The following APOBEC4 variants were observed in gnomAD, a reference collection of about 807,000 sequenced individuals.
APOBEC4 encodes the protein apolipoprotein B mRNA editing enzyme catalytic polypeptide like 4, also known as putative deaminase APOBEC-4.
For synonymous variants in APOBEC4, 141 were observed against 154.2 expected, an observed-to-expected ratio of 0.91 and a Z score of 0.63; for missense variants, 375 against 441.2, an observed-to-expected ratio of 0.85 and a Z score of 1.34.
At chr1:183,648,901 G>A in intron 1 of APOBEC4, 90 bp from the exon 2 acceptor site, 3 of 783,098 alleles carry the variant, frequency 3.8e-6, no homozygotes, top group Non-Finnish European at 6.1e-6. Flanking sequence ...TTCTTTAAAG[G>A]AAGTAGCACA....
chr1:183,648,005 C>G lies in APOBEC4; in HGVS notation c.777G>C (p.Glu259Asp). Residue 259 changes from glutamate to aspartate, a missense_variant, in exon 2 of 2, where the codon GAG (glutamate) becomes GAC (aspartate). Transcript: ENST00000308641. ...GAAAGGCATTGTTTAAGGGGTAGCT[C>G]TCTAAAGCCTCCTGAGCTTTTGTGT... ...NPNTKAQEAL[E>D]SYPLNNAFPG... The G allele has an allele frequency of 6.2e-7, 1 of 1,614,218 alleles. No homozygotes were observed. Among genetic ancestry groups the G allele is most frequent in the Non-Finnish European group, 8.5e-7 (1 of 1,180,036 alleles).
chr1:183,650,040 T>C (rs1650604342), intron 1 of APOBEC4, among the ~76,000 whole-genome samples: 1 of 152,110 alleles, frequency 6.6e-6, no homozygotes, highest in South Asian at 2.1e-4. Flanking sequence ...CTCGAACTCC[T>C]GGGCTCAAGT....
At chr1:183,650,033 G>A (rs998888316) in intron 1 of APOBEC4, among the ~76,000 whole-genome samples, 1 of 151,788 alleles carries the variant, frequency 6.6e-6, no homozygotes, top group Non-Finnish European at 1.5e-5. Flanking sequence ...CACTGATCTC[G>A]AACTCCTGGG....
At chr1:183,650,827 C>T (rs917352446) in intron 1 of APOBEC4, among the ~76,000 whole-genome samples, 1 of 151,598 alleles carries the variant, frequency 6.6e-6, no homozygotes, top group Admixed American at 6.6e-5. Flanking sequence ...TTGTTTATCC[C>T]AATTTGAGAA....
In APOBEC4 at chr1:183,648,585, A is replaced by C; in HGVS notation, c.197T>G (p.Leu66Arg). ...YGTTFPQTKH[L>R]TFYELKTSSG... Reference sequence around the variant, plus strand: ...AGAAGTTTTTAGTTCATAAAATGTGAGGTGTTTTGTTTGAGGAAATGTTGT... The same window carrying C: ...AGAAGTTTTTAGTTCATAAAATGTGCGGTGTTTTGTTTGAGGAAATGTTGT... The change falls in exon 2 of 2, where the codon CTC becomes CGC. Residue 66 changes from leucine to arginine, a missense_variant. Transcript: ENST00000308641. 6.2e-7 allele frequency: 1 copy of C among 1,614,188 alleles called. No individual in the cohort carries two copies.
At chr1:183,650,967 A>G (rs1650707828) in intron 1 of APOBEC4, among the ~76,000 whole-genome samples, 1 of 151,846 alleles carries the variant, frequency 6.6e-6, no homozygotes, top group Non-Finnish European at 1.5e-5. Context: ...TTTTTTACCT[A>G]TTTTTTGCGT....
At chr1:183,650,826 C>T (rs946132908) in intron 1 of APOBEC4, among the ~76,000 whole-genome samples, 3 of 151,498 alleles carry the variant, frequency 2.0e-5, no homozygotes, top group Non-Finnish European at 4.4e-5. Flanking sequence ...GTTGTTTATC[C>T]CAATTTGAGA....
Position 183,648,647 on chromosome 1 carries a change from G to A in APOBEC4, c.135C>T (p.Leu45=). 6.2e-7 allele frequency: 1 copy of A among 1,614,180 alleles called. No homozygotes were observed. The highest frequency in any genetic ancestry group is 1.6e-4 in the Middle Eastern group (1 of 6,062). ...ATCCAAAAATCTGACAAAATTCTGT[G>A]AGGGAAACTCTTGCTTCTTCACCTG... The part of the protein sequence containing the change: ...IRTGEEARVS[L]TEFCQIFGFP... Residue 45 remains leucine, a synonymous_variant, in exon 2 of 2, where the codon CTC becomes CTT. Coordinates refer to ENST00000308641, the MANE Select transcript of APOBEC4 (RefSeq NM_203454.3).
At chr1:183,650,156 A>G (rs1650614274) in intron 1 of APOBEC4, among the ~76,000 whole-genome samples, 1 of 152,178 alleles carries the variant, frequency 6.6e-6, no homozygotes, top group African/African-American at 2.4e-5. Context: ...TCTTTTTGCT[A>G]TATGTGTATG....
chr1:183,647,977 C>T lies in APOBEC4; in HGVS notation c.805G>A (p.Gly269Arg). The change falls in exon 2 of 2, where the codon GGA becomes AGA. Residue 269 changes from glycine to arginine, a missense_variant. Transcript: ENST00000308641. Reference sequence around the variant, plus strand: ...CCACTCGGCATTTGAAAAAACTGTCCAGGAAAGGCATTGTTTAAGGGGTAG... The same window carrying T: ...CCACTCGGCATTTGAAAAAACTGTCTAGGAAAGGCATTGTTTAAGGGGTAG... ...ESYPLNNAFPGQFFQMPSGQL... is the reference protein window; with the variant it reads ...ESYPLNNAFPRQFFQMPSGQL... 1.2e-6 allele frequency: 2 copies of T among 1,614,142 alleles called. No homozygotes were observed. The highest frequency in any genetic ancestry group is 1.7e-6 in the Non-Finnish European group (2 of 1,180,034).
chr1:183,648,911 A>G (rs1194957159), intron 1 of APOBEC4, 100 bp from the exon 2 acceptor site: 2 of 726,908 alleles, frequency 2.8e-6, no homozygotes, highest in East Asian at 2.6e-5. Flanking sequence ...GAAGTAGCAC[A>G]ATAAAGATAG....
At position 183,647,352 on chromosome 1, in the gene APOBEC4, T is replaced by G; in HGVS notation, c.*326A>C. 5.5e-6 allele frequency: 1 copy of G among 181,258 alleles called. No individual in the cohort carries two copies. The highest frequency in any genetic ancestry group is 1.1e-5 in the Non-Finnish European group (1 of 88,184). The allele number at this position is 181,258 out of a possible 1,614,324, so 11.2% of individuals were successfully genotyped here. On this transcript the variant is annotated 3_prime_UTR_variant, in exon 2 of 2. Coordinates refer to ENST00000308641, the MANE Select transcript of APOBEC4 (RefSeq NM_203454.3). ...AGGTAGCTATTTTGTCCATGGGCTT[T>G]TGTAGTGGAAAGATGATGTGAGTAA...
intron 1 of APOBEC4, among the ~76,000 whole-genome samples, chr1:183,649,470 T>C (rs1037349946): frequency 3.3e-5 from 5 of 152,230 alleles, no homozygotes; most frequent in African/African-American, 9.6e-5. Flanking sequence ...TTTCTTAAAA[T>C]CACTGGAAAT....
intron 1 of APOBEC4, among the ~76,000 whole-genome samples, chr1:183,651,277 A>G (rs1280539220): frequency 6.6e-6 from 1 of 152,222 alleles, no homozygotes; most frequent in Non-Finnish European, 1.5e-5. Flanking sequence ...CTGATAAGGC[A>G]GAAAATTTAA....
Position 183,648,589 on chromosome 1 carries a change from G to A in APOBEC4, c.193C>T (p.His65Tyr). 6.2e-7 allele frequency: 1 copy of A among 1,614,172 alleles called. No individual in the cohort carries two copies. Among genetic ancestry groups the A allele is most frequent in the South Asian group, 1.1e-5 (1 of 91,086 alleles). Reference protein sequence around the residue: ...PYGTTFPQTKHLTFYELKTSS... With the variant: ...PYGTTFPQTKYLTFYELKTSS... The stretch of plus-strand genomic sequence containing the variant: ...GTTTTTAGTTCATAAAATGTGAGGT[G>A]TTTTGTTTGAGGAAATGTTGTCCCA... The change falls in exon 2 of 2, where the codon CAC becomes TAC. Residue 65 changes from histidine (H) to tyrosine (Y), a missense_variant. By Grantham distance (83) the His-to-Tyr change is moderately conservative. Transcript: ENST00000308641.
rs1163746416 is a variant in APOBEC4, at chr1:183,647,224, A to G, written c.*454T>C. ...CTAAAATCTTCTGTCCATGATTAAC[A>G]ATTAATAGAAAATCACTGGTTTGCT... On this transcript the variant is annotated 3_prime_UTR_variant, in exon 2 of 2. Coordinates refer to ENST00000308641, the MANE Select transcript of APOBEC4 (RefSeq NM_203454.3). The G allele has an allele frequency of 6.5e-6, 1 of 153,970 alleles. No homozygotes were observed. Among genetic ancestry groups the G allele is most frequent in the Non-Finnish European group, 1.4e-5 (1 of 69,192 alleles). 9.5% of individuals were successfully genotyped at this position (153,970 alleles called of 1,614,324 possible). A position where few individuals can be genotyped will look rare whatever the true frequency, so the allele number is the denominator to read the frequency against.
chr1:183,647,813 AG>A lies in APOBEC4; in HGVS notation c.968del (p.Pro323LeufsTer22). 1 of 1,614,062 alleles carries A rather than the reference AG, an allele frequency of 6.2e-7. No homozygotes were observed. Among genetic ancestry groups the A allele is most frequent in the Non-Finnish European group, 8.5e-7 (1 of 1,180,006 alleles). ...PRNIVRHLNMPQMSFQETKDL... is the reference protein window; with the variant it reads ...PRNIVRHLNMXQMSFQETKDL... ...CCTTGGTTTCCTGGAATGACATTTGAGGCATATTTAAGTGCCTTACGATATT... is the reference window on the plus strand; with the variant it reads ...CCTTGGTTTCCTGGAATGACATTTGAGCATATTTAAGTGCCTTACGATATT... On this transcript the variant is annotated frameshift_variant, in exon 2 of 2. Transcript: ENST00000308641. LOFTEE classifies it low-confidence loss of function (END_TRUNC).
In APOBEC4 at chr1:183,648,652, A is replaced by T; in HGVS notation, c.130T>A (p.Ser44Thr). ...HIRTGEEARV[S>T]LTEFCQIFGF... ...AAAATCTGACAAAATTCTGTGAGGG[A>T]AACTCTTGCTTCTTCACCTGTTCGA... Residue 44 changes from serine (S) to threonine (T), a missense_variant, in exon 2 of 2, where the codon TCC (serine) becomes ACC (threonine). Transcript: ENST00000308641. 1 of 1,614,216 alleles carries T rather than the reference A, an allele frequency of 6.2e-7. No individual in the cohort carries two copies.
At chr1:183,650,085 T>C (rs1650608278) in intron 1 of APOBEC4, among the ~76,000 whole-genome samples, 1 of 152,006 alleles carries the variant, frequency 6.6e-6, no homozygotes, top group Admixed American at 6.5e-5. Context: ...AGTGCTGGGA[T>C]TACAGGTGTG....
Sources: gnomAD v4.1 joint callset for allele counts (sites outside exome capture counted in the v4.1 genomes callset) on GRCh38, gnomAD v4.1.1 for gene constraint, MANE v1.5 for transcripts, NCBI Gene and HGNC (gene_info 2026-07-23, HGNC 2026-07-21) for gene names.